The following NDUFAF6 variants were observed in gnomAD, a reference collection of about 807,000 sequenced individuals.
NDUFAF6 encodes the protein NADH dehydrogenase (ubiquinone) complex I, assembly factor 6.
In NDUFAF6, 45 loss-of-function variants were observed where a neutral mutation model predicts 40.8. The ratio of observed to expected loss-of-function variants is 1.10; its 90% CI spans 0.87 to 1.42. The LOEUF is 1.42. Among genes scored for constraint, NDUFAF6 ranks in the 40% most tolerant of loss-of-function variants. The pLI, the probability that NDUFAF6 is intolerant of heterozygous loss-of-function variation, is 0.00. For missense variants in NDUFAF6, 435 were observed against 418.5 expected (o/e 1.04, Z -0.34); for synonymous variants, 185 against 155.9 (o/e 1.19, Z -1.39).
At chr8:95,053,382 G>A (rs1831665251) in intron 8 of NDUFAF6, among the ~76,000 whole-genome samples, 1 of 152,030 alleles carries the variant, frequency 6.6e-6, no homozygotes. Flanking sequence ...CTGTTTAGTG[G>A]TTATCTGATG....
chr8:94,933,369 T>C (rs1820617569), intron 1 of NDUFAF6, among the ~76,000 whole-genome samples: 1 of 151,670 alleles, frequency 6.6e-6, no homozygotes, highest in South Asian at 2.1e-4. Context: ...TAGAAAACCA[T>C]AACAACCTTG....
intron 2 of NDUFAF6, among the ~76,000 whole-genome samples, chr8:95,081,817 T>C (rs1412369707): frequency 1.3e-5 from 2 of 152,224 alleles, no homozygotes; most frequent in Non-Finnish European, 2.9e-5. Context: ...ATCCCAGCAC[T>C]TTGGGAGGCC....
intron 4 of NDUFAF6, among the ~76,000 whole-genome samples, 163 bp downstream of exon 4, chr8:95,041,789 C>T (rs1830176770): frequency 6.6e-6 from 1 of 152,130 alleles, no homozygotes; most frequent in Admixed American, 6.5e-5. Flanking sequence ...ATGCTACCCC[C>T]CATACCCTCA....
chr8:95,076,254 G>A (rs1020846873), downstream of NDUFAF6: 1 of 152,350 alleles, frequency 6.6e-6, no homozygotes, highest in African/African-American at 2.4e-5. Context: ...TTTACCTCAA[G>A]TTCCTCCTCT....
intron 7 of NDUFAF6, among the ~76,000 whole-genome samples, chr8:95,050,483 A>C (rs1465635988): frequency 2.6e-5 from 4 of 152,216 alleles, no homozygotes; most frequent in Non-Finnish European, 5.9e-5. Flanking sequence ...CTAATCATGT[A>C]ATCTTAACCT....
chr8:94,925,435 G>C (rs148640054), intron 1 of NDUFAF6, among the ~76,000 whole-genome samples: 11 of 152,252 alleles, frequency 7.2e-5, no homozygotes, highest in African/African-American at 9.6e-5. Context: ...GCTAAAGCCA[G>C]TGTATTACAT....
intron 4 of NDUFAF6, chr8:95,044,376 G>T (rs1830484372): frequency 6.6e-6 from 1 of 151,224 alleles, no homozygotes; most frequent in Admixed American, 6.6e-5. Flanking sequence ...TAAATTTTAT[G>T]GTATGTTAAT....
At chr8:94,906,971 T>A (rs1332581781) in intron 1 of NDUFAF6, among the ~76,000 whole-genome samples, 1 of 152,232 alleles carries the variant, frequency 6.6e-6, no homozygotes, top group Non-Finnish European at 1.5e-5. Context: ...TGGCCAATGT[T>A]GGACAGTAAA....
In NDUFAF6 at chr8:94,907,609, G is replaced by C. The variant is rs184247158; in HGVS notation, c.-936+11682G>C. Among the ~76,000 whole-genome samples the C allele has an allele frequency of 1.8e-3, 270 of 152,260 alleles. 1 individual carries two copies. The highest frequency in any genetic ancestry group is 6.3e-3 in the African/African-American group (262 of 41,558). On this transcript the variant is annotated intron_variant, in intron 1 of 14. Transcript: ENST00000396113. ...GTAAAAGCTGCTACTTGTCCAAGCTGAATAATTGGAATGAGAAATGAGGTG... is the reference window on the plus strand; with the variant it reads ...GTAAAAGCTGCTACTTGTCCAAGCTCAATAATTGGAATGAGAAATGAGGTG...
In NDUFAF6 at chr8:94,979,479, T is replaced by C. The variant is rs534273323; in HGVS notation, c.-198-1380T>C. Among the ~76,000 whole-genome samples, 686 of 152,310 alleles carry C rather than the reference T, an allele frequency of 4.5e-3. 5 individuals carry two copies. The highest frequency in any genetic ancestry group is 4.6e-3 in the Non-Finnish European group (314 of 68,026). The stretch of plus-strand genomic sequence containing the variant: ...TCCATCCTTCCTTCTCTCTTTCTTT[T>C]TGTATCTTTTAAAAAATCTCTTCCT... On this transcript the variant is annotated intron_variant, in intron 1 of 9. Transcript: ENST00000396111.
chr8:94,986,117 C>A (rs1435224103), intron 2 of NDUFAF6, among the ~76,000 whole-genome samples: 1 of 152,122 alleles, frequency 6.6e-6, no homozygotes, highest in Non-Finnish European at 1.5e-5. Context: ...TCGTGATCTG[C>A]CTGCCTCAGC....
At chr8:95,064,708 C>CT (rs1290038334) in intron 9 of NDUFAF6, among the ~76,000 whole-genome samples, 3 of 150,882 alleles carry the variant, frequency 2.0e-5, no homozygotes, top group Admixed American at 6.6e-5. Context: ...TCACCTGCTC[C>CT]TTTTTTTTTC....
At chr8:95,020,177 C>G (rs909332875), upstream of NDUFAF6, among the ~76,000 whole-genome samples, 2 of 151,996 alleles carry the variant, frequency 1.3e-5, no homozygotes. Context: ...CCAGCCTGGG[C>G]GACAAGAGTG....
At chr8:95,088,689 TTGTGTGTGTGTGTG>T (rs545260109) in intron 2 of NDUFAF6, among the ~76,000 whole-genome samples, 2 of 142,282 alleles carry the variant, frequency 1.4e-5, no homozygotes, top group African/African-American at 2.7e-5. Flanking sequence ...TTTTGGGGTT[TTGTGTGTGTGTGTG>T]TGTGTGTGTG....
rs1823370701 is a variant in NDUFAF6, at chr8:94,959,448, CT to C, written c.-199+1270del. The stretch of plus-strand genomic sequence containing the variant: ...TTGCCTAATTGACAACTAAAACACC[CT>C]CAGAAAGTCCAGTTCCAAAGGTGGT... On this transcript the variant is annotated intron_variant, in intron 1 of 9. Coordinates refer to the NDUFAF6 transcript ENST00000396111. Among the ~76,000 whole-genome samples, 4 of 152,164 alleles carry C rather than the reference CT, an allele frequency of 2.6e-5. 1 individual carries two copies. In the South Asian group the frequency reaches 8.3e-4, roughly 31 times the overall value.
chr8:95,020,691 TCCCAATGCCAGGCA>T (rs1827658438), upstream of NDUFAF6, among the ~76,000 whole-genome samples: 1 of 152,050 alleles, frequency 6.6e-6, no homozygotes, highest in Non-Finnish European at 1.5e-5. Context: ...CACTAACACC[TCCCAATGCCAGGCA>T]CTTGGCCAGG....
chr8:95,115,516 CTTCT>C (rs887730757), intron 4 of NDUFAF6: 1 of 149,478 alleles, frequency 6.7e-6, no homozygotes, highest in African/African-American at 2.5e-5. Flanking sequence ...CTCCATTTCC[CTTCT>C]TTTTTTTTTT....
At chr8:95,082,078 A>AC (rs113720855) in intron 2 of NDUFAF6, among the ~76,000 whole-genome samples, 112 of 148,464 alleles carry the variant, frequency 7.5e-4, no homozygotes, top group Middle Eastern at 6.8e-3. Flanking sequence ...AAAAACAACA[A>AC]AAAAAAAAAA....
chr8:95,108,338 T>A (rs1444157933), downstream of NDUFAF6, among the ~76,000 whole-genome samples: 1 of 152,148 alleles, frequency 6.6e-6, no homozygotes, highest in Non-Finnish European at 1.5e-5. Flanking sequence ...CTAAATAAAG[T>A]GTGGTACATA....
Sources: gnomAD v4.1 joint callset for allele counts (sites outside exome capture counted in the v4.1 genomes callset) on GRCh38, gnomAD v4.1.1 for gene constraint, MANE v1.5 for transcripts, NCBI Gene and HGNC (gene_info 2026-07-23, HGNC 2026-07-21) for gene names.